SYNE2: variants seen among roughly 807,000 people sequenced by gnomAD.
The protein encoded by SYNE2 is nesprin-2.
A neutral mutation model predicts 856.3 loss-of-function variants in SYNE2; 431 were observed. That is an observed-to-expected ratio of 0.50 (90% confidence interval 0.47 to 0.55). The LOEUF (loss-of-function observed/expected upper bound fraction) is 0.55. Ranked by LOEUF, SYNE2 falls within the 20% of genes least tolerant of loss-of-function variation. The pLI, the probability that SYNE2 is intolerant of heterozygous loss-of-function variation, is 0.00. For missense variants in SYNE2, 8,129 were observed against 8,023.2 expected, an observed-to-expected ratio of 1.01 and a Z score of -0.50; for synonymous variants, 2,923 against 2,872.3, an observed-to-expected ratio of 1.02 and a Z score of -0.56.
intron 1 of SYNE2, among the ~76,000 whole-genome samples, chr14:63,815,701 T>C (rs1888951804): frequency 6.6e-6 from 1 of 152,076 alleles, no homozygotes; most frequent in African/African-American, 2.4e-5. Flanking sequence ...AAACTTGATA[T>C]AAACTTTAGA....
At chr14:64,042,726 C>T (rs759649429) in intron 45 of SYNE2, among the ~76,000 whole-genome samples, 4 of 151,490 alleles carry the variant, frequency 2.6e-5, no homozygotes, top group Non-Finnish European at 4.4e-5. Context: ...TGAGGCTTCC[C>T]CAGCCACGTG....
At chr14:63,864,748 G>A (rs1157954620) in intron 1 of SYNE2, among the ~76,000 whole-genome samples, 1 of 152,058 alleles carries the variant, frequency 6.6e-6, no homozygotes, top group Admixed American at 6.5e-5. Flanking sequence ...GGGAGTGGGG[G>A]TAAAAAAGGA....
intron 33 of SYNE2, 54 bp downstream of exon 33, chr14:64,016,685 G>A (rs2153526787): frequency 3.4e-6 from 4 of 1,169,578 alleles, no homozygotes; most frequent in Non-Finnish European, 2.5e-6. Flanking sequence ...ATATTTTGGT[G>A]TATCTTTAGT....
chr14:63,931,246 C>T (rs1284074814), intron 2 of SYNE2, among the ~76,000 whole-genome samples: 1 of 152,006 alleles, frequency 6.6e-6, no homozygotes, highest in Non-Finnish European at 1.5e-5. Flanking sequence ...AACAAATTGC[C>T]TAGGGGTTAT....
At chr14:64,168,117 G>A (rs1025260046) in intron 92 of SYNE2, among the ~76,000 whole-genome samples, 1 of 151,814 alleles carries the variant, frequency 6.6e-6, no homozygotes, top group African/African-American at 2.4e-5. Context: ...TTTTTTTGGT[G>A]GGGGGAGACA....
chr14:63,952,292 A>G (rs897330274), intron 7 of SYNE2, among the ~76,000 whole-genome samples: 2 of 152,212 alleles, frequency 1.3e-5, no homozygotes, highest in Non-Finnish European at 2.9e-5. Context: ...TGCTGGTTCA[A>G]CACTCAAGGT....
intron 1 of SYNE2, among the ~76,000 whole-genome samples, chr14:63,863,830 C>T (rs1402449204): frequency 6.6e-6 from 1 of 151,916 alleles, no homozygotes; most frequent in Non-Finnish European, 1.5e-5. Flanking sequence ...TCTTTATTAT[C>T]ATTATTTTTT....
chr14:64,123,986 C>T (rs1178055175), intron 70 of SYNE2, among the ~76,000 whole-genome samples: 2 of 151,792 alleles, frequency 1.3e-5, no homozygotes, highest in Non-Finnish European at 2.9e-5. Context: ...GTGTGGATCA[C>T]CTGAGGTCAG....
intron 68 of SYNE2, among the ~76,000 whole-genome samples, chr14:64,121,704 A>T (rs2097900079): frequency 6.6e-6 from 1 of 152,162 alleles, no homozygotes; most frequent in Non-Finnish European, 1.5e-5. Context: ...ATTAACTTAC[A>T]TCTTATATCA....
At position 64,087,704 on chromosome 14, in the gene SYNE2, C is replaced by G. The variant is rs749981088; in HGVS notation, c.11518C>G (p.Leu3840Val). 3 of 1,614,088 alleles carry G rather than the reference C, an allele frequency of 1.9e-6. No individual in the cohort carries two copies. Among genetic ancestry groups the G allele is most frequent in the Non-Finnish European group, 2.5e-6 (3 of 1,180,004 alleles). The change falls in exon 58 of 116, where the codon CTT becomes GTT. Residue 3840 changes from leucine to valine, a missense_variant. Leu to Val is a conservative substitution (Grantham distance 32). Transcript: ENST00000555002. Reference protein sequence around the residue: ...ALEDSEQKHNLLHSIFMDLED... With the variant: ...ALEDSEQKHNVLHSIFMDLED... ...GGAAGATTCAGAACAGAAGCACAAT[C>G]TTTTACATTCAATCTTTATGGATCT...
At chr14:64,219,480 G>C in intron 110 of SYNE2, 70 bp downstream of exon 110, 1 of 1,508,392 alleles carries the variant, frequency 6.6e-7, no homozygotes, top group Non-Finnish European at 9.2e-7. Flanking sequence ...TGCTGGACGA[G>C]CAGATCCCAT....
At chr14:64,106,008 A>G (rs1267229310) in intron 64 of SYNE2, among the ~76,000 whole-genome samples, 1 of 151,146 alleles carries the variant, frequency 6.6e-6, no homozygotes, top group Non-Finnish European at 1.5e-5. Context: ...CTAAGATTGC[A>G]CCACTGCACC....
chr14:63,946,836 G>C (rs933305723), intron 6 of SYNE2, among the ~76,000 whole-genome samples: 2 of 151,336 alleles, frequency 1.3e-5, no homozygotes, highest in Admixed American at 6.6e-5. Context: ...TTCTTTTGTG[G>C]CTTATACTTT....
At chr14:64,062,943 A>G (rs975337343) in intron 50 of SYNE2, 48 bp downstream of exon 50, 1 of 1,611,898 alleles carries the variant, frequency 6.2e-7, no homozygotes, top group Non-Finnish European at 8.5e-7. Flanking sequence ...AAAAAATTGC[A>G]GAACAAACTG....
intron 1 of SYNE2, among the ~76,000 whole-genome samples, chr14:63,762,887 T>G (rs1168018311): frequency 6.6e-6 from 1 of 152,176 alleles, no homozygotes; most frequent in Non-Finnish European, 1.5e-5. Context: ...CAGGCAAAGA[T>G]TATATGAGGA....
intron 96 of SYNE2, among the ~76,000 whole-genome samples, chr14:64,186,160 T>C (rs1000339709): frequency 3.9e-5 from 6 of 152,210 alleles, no homozygotes; most frequent in African/African-American, 1.4e-4. Flanking sequence ...GACTTTAAAA[T>C]AGAATAAATT....
intron 84 of SYNE2, among the ~76,000 whole-genome samples, chr14:64,148,890 C>A (rs1362638645): frequency 6.6e-6 from 1 of 151,990 alleles, no homozygotes; most frequent in African/African-American, 2.4e-5. Flanking sequence ...CTGTCACTGC[C>A]TGTGAAATTC....
At chr14:63,831,167 T>C (rs1319964429) in intron 1 of SYNE2, among the ~76,000 whole-genome samples, 2 of 151,946 alleles carry the variant, frequency 1.3e-5, no homozygotes, top group Non-Finnish European at 2.9e-5. Context: ...GAATCTCTAT[T>C]TTGGCGATGC....
intron 1 of SYNE2, among the ~76,000 whole-genome samples, chr14:63,791,901 G>A (rs768171665): frequency 2.2e-5 from 3 of 137,296 alleles, no homozygotes; most frequent in African/African-American, 5.4e-5. Context: ...GTGAGATCGC[G>A]CCACCGCACT....
Sources: gnomAD v4.1 joint callset for allele counts (sites outside exome capture counted in the v4.1 genomes callset) on GRCh38, gnomAD v4.1.1 for gene constraint, MANE v1.5 for transcripts, NCBI Gene and HGNC (gene_info 2026-07-23, HGNC 2026-07-21) for gene names.